ZBTB16: variants seen among roughly 807,000 people sequenced by gnomAD.
ZBTB16 encodes zinc finger and BTB domain containing 16.
ZBTB16 carries 8 observed loss-of-function variants against 56.8 expected under a neutral mutation model. The ratio of observed to expected loss-of-function variants is 0.14; its 90% CI spans 0.08 to 0.25. The LOEUF (loss-of-function observed/expected upper bound fraction) is 0.25. Among genes scored for constraint, ZBTB16 ranks in the 10% least tolerant of loss-of-function variants. The pLI is 1.00. For missense variants in ZBTB16, 625 were observed against 903.0 expected, an observed-to-expected ratio of 0.69 and a Z score of 3.95; for synonymous variants, 363 against 368.5, an observed-to-expected ratio of 0.98 and a Z score of 0.17.
At chr11:114,160,813 C>G (rs1942568439) in intron 3 of ZBTB16, among the ~76,000 whole-genome samples, 1 of 152,166 alleles carries the variant, frequency 6.6e-6, no homozygotes. Context: ...ATGAGATGAT[C>G]TGGCCAGGCC....
At chr11:114,146,840 T>G (rs1942119347) in intron 2 of ZBTB16, among the ~76,000 whole-genome samples, 1 of 117,120 alleles carries the variant, frequency 8.5e-6, no homozygotes, top group South Asian at 3.5e-4. Context: ...TAGAGTGAGA[T>G]TCTGTCTCAA....
At chr11:114,224,606 C>G (rs1196865347) in intron 4 of ZBTB16, among the ~76,000 whole-genome samples, 1 of 152,038 alleles carries the variant, frequency 6.6e-6, no homozygotes. Flanking sequence ...GCCCTTGGAA[C>G]TGGGTGAGTT....
At chr11:114,156,207 A>G in intron 2 of ZBTB16, 130 bp from the exon 3 acceptor site, 1 of 843,288 alleles carries the variant, frequency 1.2e-6, no homozygotes, top group Non-Finnish European at 2.0e-6. Context: ...ATGTGTTTCC[A>G]TCGGTGCCCT....
At chr11:114,154,289 G>A (rs1317862784) in intron 2 of ZBTB16, among the ~76,000 whole-genome samples, 1 of 152,132 alleles carries the variant, frequency 6.6e-6, no homozygotes, top group Non-Finnish European at 1.5e-5. Flanking sequence ...TTCAGAAGTG[G>A]GCACTCCAGG....
intron 4 of ZBTB16, chr11:114,209,853 C>T: frequency 3.0e-6 from 3 of 985,362 alleles, no homozygotes; most frequent in Non-Finnish European, 3.6e-6. Context: ...TGCTGTGGGT[C>T]TCATGTTTGT....
intron 2 of ZBTB16, among the ~76,000 whole-genome samples, chr11:114,068,211 C>A (rs1591635509): frequency 6.6e-6 from 1 of 151,876 alleles, no homozygotes; most frequent in Non-Finnish European, 1.5e-5. Context: ...AGACTAGATA[C>A]CCAGCAGTCC....
chr11:114,211,502 G>T (rs539967973), intron 4 of ZBTB16, among the ~76,000 whole-genome samples: 5 of 152,282 alleles, frequency 3.3e-5, no homozygotes, highest in African/African-American at 9.6e-5. Flanking sequence ...CTTACTGTGG[G>T]GTTTGGTGCT....
intron 4 of ZBTB16, among the ~76,000 whole-genome samples, chr11:114,220,791 G>T (rs532798009): frequency 3.3e-5 from 5 of 152,192 alleles, no homozygotes; most frequent in African/African-American, 1.2e-4. Context: ...CTCTAGGGAC[G>T]GTCATGAGGA....
chr11:114,132,527 C>G (rs763291724), intron 2 of ZBTB16, among the ~76,000 whole-genome samples: 14 of 152,144 alleles, frequency 9.2e-5, no homozygotes, highest in Non-Finnish European at 1.8e-4. Flanking sequence ...GCTGTGTGAC[C>G]TTAGACAAGT....
At chr11:114,074,188 C>T (rs559933726) in intron 2 of ZBTB16, among the ~76,000 whole-genome samples, 1 of 152,214 alleles carries the variant, frequency 6.6e-6, no homozygotes, top group South Asian at 2.1e-4. Context: ...CCCAGCCTGA[C>T]AAGGGAGCCG....
chr11:114,190,119 G>A (rs1943455973), intron 4 of ZBTB16, among the ~76,000 whole-genome samples: 1 of 152,168 alleles, frequency 6.6e-6, no homozygotes, highest in Non-Finnish European at 1.5e-5. Flanking sequence ...AATCTATAGA[G>A]ACAGAAAGTA....
At chr11:114,087,013 A>G (rs940858415) in intron 2 of ZBTB16, among the ~76,000 whole-genome samples, 1 of 152,068 alleles carries the variant, frequency 6.6e-6, no homozygotes, top group African/African-American at 2.4e-5. Flanking sequence ...CCCTAGGGTC[A>G]GTGCCATGTG....
intron 2 of ZBTB16, among the ~76,000 whole-genome samples, chr11:114,098,256 G>A (rs1029756194): frequency 1.2e-4 from 18 of 152,148 alleles, no homozygotes; most frequent in African/African-American, 4.1e-4. Context: ...CCCCCGTGGT[G>A]GTATCATAGC....
intron 2 of ZBTB16, among the ~76,000 whole-genome samples, chr11:114,117,252 A>G (rs912626536): frequency 9.9e-5 from 15 of 152,126 alleles, no homozygotes; most frequent in African/African-American, 1.4e-4. Context: ...TTGTGAGCCT[A>G]TCATGAAGTC....
At chr11:114,217,473 G>A (rs1311177194) in intron 4 of ZBTB16, among the ~76,000 whole-genome samples, 6 of 152,282 alleles carry the variant, frequency 3.9e-5, no homozygotes, top group Middle Eastern at 3.4e-3. Context: ...GTGACGTCCA[G>A]GCATCTAGCT....
intron 4 of ZBTB16, among the ~76,000 whole-genome samples, chr11:114,201,727 A>T (rs1292691145): frequency 2.0e-5 from 3 of 152,296 alleles, no homozygotes; most frequent in African/African-American, 7.2e-5. Context: ...AAAATACTAA[A>T]GCCACCCTAT....
chr11:114,119,859 C>T (rs1050895950), intron 2 of ZBTB16, among the ~76,000 whole-genome samples: 1 of 152,160 alleles, frequency 6.6e-6, no homozygotes, highest in Non-Finnish European at 1.5e-5. Context: ...AGCGGTGGAG[C>T]GAGGATCTTG....
intron 3 of ZBTB16, among the ~76,000 whole-genome samples, chr11:114,185,773 C>T (rs1323088739): frequency 1.3e-5 from 2 of 152,152 alleles, no homozygotes; most frequent in East Asian, 1.9e-4. Context: ...TGACAGCTGA[C>T]CCCTGGATCA....
intron 4 of ZBTB16, among the ~76,000 whole-genome samples, chr11:114,213,207 T>C (rs751487435): frequency 2.0e-5 from 3 of 152,122 alleles, no homozygotes; most frequent in Non-Finnish European, 4.4e-5. Flanking sequence ...GAGGCCTTGA[T>C]GAAATGCTTT....
Sources: allele counts gnomAD v4.1 joint callset (sites outside exome capture counted in the v4.1 genomes callset), GRCh38; gene constraint gnomAD v4.1.1; transcripts MANE v1.5; gene names NCBI Gene and HGNC (gene_info 2026-07-23, HGNC 2026-07-21).